GULP1: variants seen among roughly 807,000 people sequenced by gnomAD.
The protein encoded by GULP1 is GULP PTB domain containing engulfment adaptor 1, also known as PTB domain-containing engulfment adapter protein 1.
In GULP1, 19 loss-of-function variants were observed where a neutral mutation model predicts 40.9. The ratio of observed to expected loss-of-function variants is 0.46; its 90% confidence interval spans 0.32 to 0.68. The LOEUF is 0.68. Ranked by LOEUF, GULP1 falls within the 30% of genes least tolerant of loss-of-function variation. The probability of loss-of-function intolerance (pLI) is 0.03; values close to 1 mark genes in which losing one functional copy is unlikely to be tolerated. For synonymous variants in GULP1, 119 were observed against 117.6 expected, an observed-to-expected ratio of 1.01 and a Z score of -0.08; for missense variants, 312 against 362.2, an observed-to-expected ratio of 0.86 and a Z score of 1.12.
intron 7 of GULP1, chr2:188,542,130 A>C (rs1343504019): frequency 2.0e-5 from 3 of 152,064 alleles, no homozygotes; most frequent in African/African-American, 7.2e-5. Flanking sequence ...AAACAACTTA[A>C]AATAATGAAA....
intron 2 of GULP1, among the ~76,000 whole-genome samples, chr2:188,435,486 T>C (rs756798868): frequency 7.9e-5 from 12 of 152,118 alleles, no homozygotes; most frequent in Non-Finnish European, 1.0e-4. Context: ...TTGAGATAGC[T>C]TGTGCATTAA....
chr2:188,566,836 G>A (rs950817855), intron 7 of GULP1, among the ~76,000 whole-genome samples: 7 of 130,974 alleles, frequency 5.3e-5, no homozygotes, highest in Non-Finnish European at 9.7e-5. Context: ...AGGATACATC[G>A]AAATCATAAT....
intron 9 of GULP1, among the ~76,000 whole-genome samples, chr2:188,578,780 CAATCCA>C (rs1700680219): frequency 6.6e-6 from 1 of 152,064 alleles, no homozygotes; most frequent in South Asian, 2.1e-4. Context: ...TTCTGTAGGA[CAATCCA>C]AAAAATTTGG....
intron 1 of GULP1, among the ~76,000 whole-genome samples, chr2:188,354,898 C>G (rs1480334529): frequency 3.3e-5 from 5 of 151,948 alleles, no homozygotes; most frequent in Admixed American, 1.3e-4. Flanking sequence ...CAAGAACTTT[C>G]AAAACTGTAC....
chr2:188,489,064 A>T (rs1438246500), intron 4 of GULP1, among the ~76,000 whole-genome samples: 3 of 152,018 alleles, frequency 2.0e-5, no homozygotes, highest in Admixed American at 6.6e-5. Context: ...ATGATAAATT[A>T]CCCTTCAATG....
chr2:188,441,379 G>A (rs925928417), intron 2 of GULP1, among the ~76,000 whole-genome samples: 6 of 152,170 alleles, frequency 3.9e-5, no homozygotes, highest in Non-Finnish European at 8.8e-5. Flanking sequence ...CTGAGGCTGA[G>A]GAGGGTTGAT....
intron 1 of GULP1, among the ~76,000 whole-genome samples, chr2:188,319,127 C>A (rs1047832413): frequency 1.3e-5 from 2 of 152,112 alleles, no homozygotes; most frequent in African/African-American, 4.8e-5. Context: ...TGAACAATTT[C>A]TATATTATAC....
At chr2:188,320,100 C>T (rs1291278178) in intron 1 of GULP1, among the ~76,000 whole-genome samples, 3 of 152,066 alleles carry the variant, frequency 2.0e-5, no homozygotes, top group Admixed American at 6.6e-5. Context: ...TCAAATGTCC[C>T]TGGGAGGCAA....
intron 2 of GULP1, among the ~76,000 whole-genome samples, chr2:188,407,078 G>A (rs58718952): frequency 0.067 from 10,228 of 152,170 alleles, 1,159 homozygotes; most frequent in African/African-American, 0.23. Flanking sequence ...GGGCATTCCA[G>A]GCCAGGAGAG....
intron 7 of GULP1, among the ~76,000 whole-genome samples, chr2:188,563,785 CTG>C (rs1039490360): frequency 2.6e-5 from 4 of 151,938 alleles, no homozygotes; most frequent in Admixed American, 2.0e-4. Context: ...TTTATGAAGA[CTG>C]TGTTACCCTG....
At chr2:188,570,973 A>G (rs962406638) in intron 9 of GULP1, among the ~76,000 whole-genome samples, 11 of 152,134 alleles carry the variant, frequency 7.2e-5, no homozygotes, top group African/African-American at 2.7e-4. Context: ...GTCTGGCAAC[A>G]TGGTGAAACC....
chr2:188,544,715 C>T (rs920778588), intron 7 of GULP1, among the ~76,000 whole-genome samples: 3 of 151,720 alleles, frequency 2.0e-5, no homozygotes, highest in East Asian at 3.9e-4. Flanking sequence ...ACTCAATAAA[C>T]CAACAAAACA....
chr2:188,388,480 T>C, intron 2 of GULP1, among the ~76,000 whole-genome samples: 1 of 151,400 alleles, frequency 6.6e-6, no homozygotes, highest in East Asian at 1.9e-4. Context: ...GAGGTGAAGG[T>C]CACAGTGAGA....
intron 1 of GULP1, among the ~76,000 whole-genome samples, chr2:188,308,790 A>C (rs1269533903): frequency 1.3e-5 from 2 of 152,160 alleles, no homozygotes; most frequent in East Asian, 3.9e-4. Context: ...TTCAGAGATT[A>C]TTTGGCTTTT....
At chr2:188,313,445 A>T (rs1447140091) in intron 1 of GULP1, among the ~76,000 whole-genome samples, 1 of 152,034 alleles carries the variant, frequency 6.6e-6, no homozygotes, top group Non-Finnish European at 1.5e-5. Flanking sequence ...GTTATTTCTG[A>T]AGTCTCTGTT....
At chr2:188,420,797 T>C (rs1301888887) in intron 2 of GULP1, among the ~76,000 whole-genome samples, 3 of 152,072 alleles carry the variant, frequency 2.0e-5, no homozygotes, top group African/African-American at 7.2e-5. Context: ...AAGAAACAAT[T>C]GGCAGAGAGT....
chr2:188,576,426 T>C (rs1230103372), intron 9 of GULP1, among the ~76,000 whole-genome samples: 1 of 152,102 alleles, frequency 6.6e-6, no homozygotes, highest in African/African-American at 2.4e-5. Flanking sequence ...AAGTATACCT[T>C]TAATATTTGC....
chr2:188,525,755 G>A (rs186341218), intron 5 of GULP1, among the ~76,000 whole-genome samples: 28 of 152,270 alleles, frequency 1.8e-4, no homozygotes, highest in Admixed American at 6.5e-4. Context: ...AAATGTAGCC[G>A]TTGGGAATTG....
At chr2:188,327,323 C>A (rs2040891895) in intron 1 of GULP1, among the ~76,000 whole-genome samples, 1 of 152,146 alleles carries the variant, frequency 6.6e-6, no homozygotes, top group Admixed American at 6.6e-5. Flanking sequence ...TTATTTGAAT[C>A]TGGCAATAGA....
Sources: gnomAD v4.1 joint callset for allele counts (sites outside exome capture counted in the v4.1 genomes callset) on GRCh38, gnomAD v4.1.1 for gene constraint, MANE v1.5 for transcripts, NCBI Gene and HGNC (gene_info 2026-07-23, HGNC 2026-07-21) for gene names.